Variants in CASK observed in about 807,000 individuals in gnomAD.
The protein encoded by CASK is calcium/calmodulin dependent serine protein kinase, also known as peripheral plasma membrane protein CASK.
CASK carries 4 observed loss-of-function variants against 82.9 expected under a neutral mutation model. The observed-to-expected ratio is 0.05, with a 90% CI of 0.02 to 0.11. The LOEUF (loss-of-function observed/expected upper bound fraction) is 0.11. Among genes scored for constraint, CASK ranks in the 10% least tolerant of loss-of-function variants. The pLI is 1.00. For missense variants in CASK, 358 were observed against 720.9 expected (o/e 0.50, Z 5.76); for synonymous variants, 259 against 253.5 (o/e 1.02, Z -0.20).
At chrX:41,734,267 T>A (rs1426409094) in intron 5 of CASK, among the ~76,000 whole-genome samples, 1 of 111,781 alleles carries the variant, frequency 8.9e-6, no homozygotes, top group East Asian at 2.8e-4. Context: ...CATGAGTAGG[T>A]CAGAGTGACA....
At chrX:41,707,923 T>A (rs1264480632) in intron 5 of CASK, among the ~76,000 whole-genome samples, 1 of 110,922 alleles carries the variant, frequency 9.0e-6, no homozygotes, top group Non-Finnish European at 1.9e-5. Flanking sequence ...ATCGAGACCA[T>A]CCTGGCCAAT....
intron 2 of CASK, among the ~76,000 whole-genome samples, chrX:41,848,097 T>C (rs189590422): frequency 9.6e-4 from 108 of 112,688 alleles, no homozygotes; most frequent in African/African-American, 3.3e-3. Context: ...TAGCTTTTTG[T>C]TTGCCCAGCT....
rs745319170 is a variant in CASK at position 41,895,573 on chromosome X, C to T, written c.59+27357G>A. Among the ~76,000 whole-genome samples, 31 of 111,503 alleles carry T rather than the reference C, an allele frequency of 2.8e-4. No individual in the cohort carries two copies. In the South Asian group the frequency reaches 0.01, roughly 37 times the overall value. On this transcript the variant is annotated intron_variant, in intron 1 of 26. Transcript: ENST00000378163. ...TGATCAGATACAAGCATTTATCTAACTCCCTCTACAAATCAAAAGACTGAA... is the reference window on the plus strand; with the variant it reads ...TGATCAGATACAAGCATTTATCTAATTCCCTCTACAAATCAAAAGACTGAA...
intron 8 of CASK, among the ~76,000 whole-genome samples, chrX:41,651,662 C>A (rs2066867746): frequency 8.9e-6 from 1 of 111,931 alleles, no homozygotes; most frequent in Admixed American, 9.5e-5. Flanking sequence ...TCAAAATTGT[C>A]CTGTAATACT....
At chrX:41,716,457 C>T (rs935048358) in intron 5 of CASK, among the ~76,000 whole-genome samples, 1 of 112,365 alleles carries the variant, frequency 8.9e-6, no homozygotes, top group Non-Finnish European at 1.9e-5. Flanking sequence ...CTGAGGTATC[C>T]GGGAAGAGGA....
At chrX:41,832,690 C>T (rs2070847647) in intron 2 of CASK, among the ~76,000 whole-genome samples, 1 of 112,458 alleles carries the variant, frequency 8.9e-6, no homozygotes, top group South Asian at 3.7e-4. Flanking sequence ...CCATATTTGT[C>T]CACAGATCAA....
intron 1 of CASK, among the ~76,000 whole-genome samples, chrX:41,888,849 A>G (rs1187165564): frequency 2.8e-5 from 3 of 107,344 alleles, no homozygotes; most frequent in African/African-American, 1.0e-4. Flanking sequence ...GTGTGTGTGT[A>G]TATATACGCA....
chrX:41,628,468 T>C lies in CASK; in HGVS notation c.916-1765A>G, dbSNP rs192730576. Among the ~76,000 whole-genome samples, 22 of 111,163 alleles carry C rather than the reference T, an allele frequency of 2.0e-4. No individual in the cohort carries two copies. In the East Asian group the frequency reaches 5.1e-3, roughly 26 times the overall value. ...ACAGGCGTGTGCCACCATGCCTGGC[T>C]AACTTTTGTATTTTTTTGTAGAGAT... is the stretch of plus-strand genomic sequence containing the variant. On this transcript the variant is annotated intron_variant, in intron 9 of 26. Coordinates refer to ENST00000378163, the MANE Select transcript of CASK (RefSeq NM_001367721.1).
At chrX:41,705,094 A>T (rs773564965) in intron 5 of CASK, among the ~76,000 whole-genome samples, 2 of 112,321 alleles carry the variant, frequency 1.8e-5, no homozygotes, top group South Asian at 7.3e-4. Context: ...GAGGTGGGGG[A>T]AGTAACTCAG....
intron 3 of CASK, among the ~76,000 whole-genome samples, chrX:41,770,301 TAC>T (rs1213247708): frequency 7.7e-5 from 8 of 103,839 alleles, no homozygotes; most frequent in African/African-American, 1.4e-4. Context: ...TCTATCTACC[TAC>T]CTACCTACCT....
At chrX:41,720,275 C>T (rs2068141538) in intron 5 of CASK, among the ~76,000 whole-genome samples, 1 of 112,821 alleles carries the variant, frequency 8.9e-6, no homozygotes, top group African/African-American at 3.2e-5. Flanking sequence ...CTGCTTGTGG[C>T]AGGCGGTGAG....
intron 5 of CASK, among the ~76,000 whole-genome samples, chrX:41,681,119 A>G (rs2067347786): frequency 9.0e-6 from 1 of 111,680 alleles, no homozygotes; most frequent in Non-Finnish European, 1.9e-5. Flanking sequence ...AACAATTTGA[A>G]AAAACTCGTG....
At chrX:41,696,085 A>G in intron 5 of CASK, 1 of 1,202,912 alleles carries the variant, frequency 8.3e-7, no homozygotes. Context: ...ATCAGTTTGG[A>G]TCGCTATATA....
rs2064964385 is a variant in CASK at position 41,542,725 on chromosome X, C to T, written c.2121G>A (p.Gln707=). Residue 707 remains glutamine, a synonymous_variant, in exon 22 of 27, where the codon CAG becomes CAA. Coordinates refer to ENST00000378163, the MANE Select transcript of CASK (RefSeq NM_001367721.1). ...GCTTTGCCAAATATTTATCTTTGTA[C>T]TGCTTCTTTTTCTTGCCAAACCAAG... ...SCTWFGKKKK[Q]YKDKYLAKHN... 3.3e-6 allele frequency: 4 copies of T among 1,208,699 alleles called. No individual in the cohort carries two copies. The highest frequency in any genetic ancestry group is 3.4e-6 in the Non-Finnish European group (3 of 892,752).
intron 1 of CASK, among the ~76,000 whole-genome samples, chrX:41,869,682 G>A (rs1444619413): frequency 2.8e-5 from 3 of 105,751 alleles, no homozygotes; most frequent in Admixed American, 1.0e-4. Context: ...GTGCAGTGGC[G>A]CGCGCCTGTA....
chrX:41,922,809 G>T, intron 1 of CASK, 121 bp downstream of exon 1: 1 of 606,621 alleles, frequency 1.6e-6, no homozygotes, highest in Non-Finnish European at 2.8e-6. Context: ...GGATGAGAAG[G>T]ACGAGAGGGG....
At chrX:41,884,411 T>C (rs2072011644) in intron 1 of CASK, among the ~76,000 whole-genome samples, 1 of 111,559 alleles carries the variant, frequency 9.0e-6, no homozygotes. Context: ...AGTAACTAGA[T>C]AAGACTTTGG....
intron 1 of CASK, among the ~76,000 whole-genome samples, chrX:41,861,854 T>C (rs1363774903): frequency 2.9e-5 from 3 of 102,339 alleles, no homozygotes; most frequent in Non-Finnish European, 5.9e-5. Context: ...ATACATATAA[T>C]ATATAGTATA....
chrX:41,676,525 G>A (rs184483362), intron 5 of CASK: 155 of 1,144,999 alleles, frequency 1.4e-4, no homozygotes, highest in East Asian at 1.3e-3. Flanking sequence ...GGCTCCCCTC[G>A]CGCCGGCACG....
Sources: gnomAD v4.1 joint callset for allele counts (sites outside exome capture counted in the v4.1 genomes callset) on GRCh38, gnomAD v4.1.1 for gene constraint, MANE v1.5 for transcripts, NCBI Gene and HGNC (gene_info 2026-07-23, HGNC 2026-07-21) for gene names.